The following CNTN5 variants were observed in gnomAD, a reference collection of about 807,000 sequenced individuals.
CNTN5 encodes the protein contactin-5.
Under a neutral mutation model 129.1 loss-of-function variants are expected in CNTN5, and 77 were observed. The observed-to-expected ratio is 0.60, with a 90% CI of 0.50 to 0.72. The LOEUF (loss-of-function observed/expected upper bound fraction) is 0.72, where lower values mean the gene tolerates loss of function less well. Ranked by LOEUF, CNTN5 falls within the 30% of genes least tolerant of loss-of-function variation. The probability of loss-of-function intolerance (pLI) is 0.00; values close to 1 mark genes in which losing one functional copy is unlikely to be tolerated. For missense variants in CNTN5, 1,478 were observed against 1,328.8 expected, an observed-to-expected ratio of 1.11 and a Z score of -1.75; for synonymous variants, 509 against 465.6, an observed-to-expected ratio of 1.09 and a Z score of -1.20.
intron 13 of CNTN5, among the ~76,000 whole-genome samples, chr11:100,103,198 A>T (rs1945288264): frequency 6.6e-6 from 1 of 152,226 alleles, no homozygotes; most frequent in African/African-American, 2.4e-5. Flanking sequence ...GTAAGCAAAG[A>T]GCAATTAGCA....
intron 13 of CNTN5, among the ~76,000 whole-genome samples, chr11:100,078,948 G>C (rs1236641729): frequency 2.6e-5 from 4 of 152,082 alleles, no homozygotes; most frequent in African/African-American, 7.2e-5. Flanking sequence ...CATGGCTGGG[G>C]AGGCCTCAGG....
At chr11:99,270,707 C>A (rs557869526) in intron 1 of CNTN5, among the ~76,000 whole-genome samples, 2 of 151,914 alleles carry the variant, frequency 1.3e-5, no homozygotes, top group Non-Finnish European at 2.9e-5. Context: ...TCTCTGCCAG[C>A]CTTCCTAATA....
chr11:100,040,757 G>T (rs574294134), intron 9 of CNTN5, among the ~76,000 whole-genome samples: 2 of 152,296 alleles, frequency 1.3e-5, no homozygotes, highest in East Asian at 1.9e-4. Context: ...GACTCTGTGG[G>T]CGTAGGACCC....
intron 7 of CNTN5, among the ~76,000 whole-genome samples, chr11:99,929,342 A>G (rs559482666): frequency 3.8e-4 from 57 of 151,400 alleles, no homozygotes; most frequent in African/African-American, 1.3e-3. Context: ...AACTGTTCCA[A>G]CCTCTGCCTG....
chr11:100,019,493 G>A (rs1440749983), intron 9 of CNTN5, among the ~76,000 whole-genome samples: 1 of 151,844 alleles, frequency 6.6e-6, no homozygotes, highest in Non-Finnish European at 1.5e-5. Flanking sequence ...TGTCCTCCAG[G>A]TTCATCCATG....
intron 3 of CNTN5, among the ~76,000 whole-genome samples, chr11:99,740,137 T>C (rs1943843259): frequency 1.3e-5 from 2 of 152,132 alleles, no homozygotes; most frequent in Non-Finnish European, 2.9e-5. Context: ...AGCAAAAGTG[T>C]TTTTCAAATA....
At chr11:99,388,405 A>C (rs1941043275) in intron 2 of CNTN5, among the ~76,000 whole-genome samples, 1 of 92,306 alleles carries the variant, frequency 1.1e-5, no homozygotes. Flanking sequence ...ACAGAGCAAA[A>C]CCCGGTCTCA....
intron 2 of CNTN5, among the ~76,000 whole-genome samples, chr11:99,523,948 C>G (rs1250173610): frequency 6.6e-6 from 1 of 151,906 alleles, no homozygotes; most frequent in Non-Finnish European, 1.5e-5. Context: ...TCTGAATAGC[C>G]CAGACTACTT....
intron 10 of CNTN5, among the ~76,000 whole-genome samples, chr11:100,063,526 C>T (rs998638141): frequency 2.6e-5 from 4 of 151,932 alleles, no homozygotes; most frequent in African/African-American, 7.3e-5. Flanking sequence ...TTCTACCAGG[C>T]TCCATCAGGA....
At chr11:99,665,478 ATTTTTTTTT>A (rs34435537) in intron 3 of CNTN5, among the ~76,000 whole-genome samples, 3 of 65,922 alleles carry the variant, frequency 4.6e-5, no homozygotes, top group South Asian at 6.8e-4. Flanking sequence ...TGAAACTACA[ATTTTTTTTT>A]TTTTTTTTTT....
At chr11:99,207,563 TG>T (rs1859546494) in intron 1 of CNTN5, among the ~76,000 whole-genome samples, 4 of 152,326 alleles carry the variant, frequency 2.6e-5, no homozygotes, top group Admixed American at 2.6e-4. Context: ...GTTTTTCTAT[TG>T]TTTTTTTCCT....
intron 10 of CNTN5, among the ~76,000 whole-genome samples, chr11:100,069,378 C>G: frequency 6.6e-6 from 1 of 151,844 alleles, no homozygotes; most frequent in East Asian, 1.9e-4. Flanking sequence ...GAGCTGGGAA[C>G]TCCCAGGCTA....
At chr11:99,183,522 C>T (rs1858188788) in intron 1 of CNTN5, among the ~76,000 whole-genome samples, 1 of 152,040 alleles carries the variant, frequency 6.6e-6, no homozygotes, top group Non-Finnish European at 1.5e-5. Flanking sequence ...AAATTATCTC[C>T]TTTCTTAGTT....
rs1451506040 is a variant in CNTN5 at position 99,687,932 on chromosome 11, G to A, written c.56-131612G>A. Among the ~76,000 whole-genome samples, 17 of 152,110 alleles carry A rather than the reference G, an allele frequency of 1.1e-4. 1 individual carries two copies. The highest frequency in any genetic ancestry group is 1.1e-3 in the Admixed American group (17 of 15,268). On this transcript the variant is annotated intron_variant, in intron 3 of 24. Transcript: ENST00000524871. ...TCATGCCTATATTTAATATTTAGAA[G>A]CATATGCTTGGTCAGCAGCATTCTG...
chr11:99,628,142 T>G (rs1171815833), intron 3 of CNTN5, among the ~76,000 whole-genome samples: 2 of 151,936 alleles, frequency 1.3e-5, no homozygotes, highest in Non-Finnish European at 2.9e-5. Flanking sequence ...ATCAACTTGG[T>G]TCAAATTGCA....
chr11:99,904,890 C>A (rs1949455249), intron 6 of CNTN5, among the ~76,000 whole-genome samples: 1 of 152,090 alleles, frequency 6.6e-6, no homozygotes, highest in Non-Finnish European at 1.5e-5. Flanking sequence ...CTCTAATGAC[C>A]AGCAATGATG....
At chr11:99,943,930 A>G (rs996269786) in intron 7 of CNTN5, among the ~76,000 whole-genome samples, 1 of 152,078 alleles carries the variant, frequency 6.6e-6, no homozygotes, top group South Asian at 2.1e-4. Context: ...TGTTTTGGTT[A>G]CTGTAGCCTT....
intron 1 of CNTN5, among the ~76,000 whole-genome samples, chr11:99,105,950 C>A (rs1159785229): frequency 2.0e-5 from 3 of 152,076 alleles, no homozygotes; most frequent in Non-Finnish European, 4.4e-5. Flanking sequence ...GAACAATTTT[C>A]ATTTTCAGTT....
At chr11:99,227,221 G>A (rs1860736066) in intron 1 of CNTN5, among the ~76,000 whole-genome samples, 1 of 151,926 alleles carries the variant, frequency 6.6e-6, no homozygotes, top group Admixed American at 6.6e-5. Context: ...TTAGCCAGGT[G>A]TGGTGGCGCT....
Sources: gnomAD v4.1 joint callset for allele counts (sites outside exome capture counted in the v4.1 genomes callset) on GRCh38, gnomAD v4.1.1 for gene constraint, MANE v1.5 for transcripts, NCBI Gene and HGNC (gene_info 2026-07-23, HGNC 2026-07-21) for gene names.